The following KCNU1 variants were observed in gnomAD, a reference collection of about 807,000 sequenced individuals.
The protein encoded by KCNU1 is potassium channel subfamily U member 1.
In KCNU1, 93 loss-of-function variants were observed where a neutral mutation model predicts 126.8. The ratio of observed to expected loss-of-function variants is 0.73; its 90% CI spans 0.62 to 0.87. KCNU1 has a LOEUF of 0.87. KCNU1 is among the 40% of genes least tolerant of loss of function. The pLI is 0.00. For missense variants in KCNU1, 1,330 were observed against 1,367.1 expected (o/e 0.97, Z 0.43); for synonymous variants, 523 against 494.2 (o/e 1.06, Z -0.77).
At chr8:36,788,531 CCT>C (rs897803794) in intron 2 of KCNU1, among the ~76,000 whole-genome samples, 18 of 152,148 alleles carry the variant, frequency 1.2e-4, no homozygotes, top group Admixed American at 9.8e-4. Context: ...TAAAGATTAT[CCT>C]CTGTTTTTTA....
intron 5 of KCNU1, among the ~76,000 whole-genome samples, chr8:36,806,931 C>G (rs1803523139): frequency 6.6e-6 from 1 of 152,054 alleles, no homozygotes; most frequent in Non-Finnish European, 1.5e-5. Flanking sequence ...AGTAAAACAT[C>G]ATACAAACAT....
intron 2 of KCNU1, among the ~76,000 whole-genome samples, chr8:36,801,338 T>G (rs1803296834): frequency 6.6e-6 from 1 of 152,182 alleles, no homozygotes; most frequent in Non-Finnish European, 1.5e-5. Flanking sequence ...TCCCAGTGCC[T>G]TCTTTTGGTT....
At chr8:36,826,272 T>C (rs6999343) in intron 10 of KCNU1, among the ~76,000 whole-genome samples, 45,272 of 150,738 alleles carry the variant, frequency 0.3, 7,585 homozygotes, top group African/African-American at 0.44. Context: ...CGCAGTGGCC[T>C]GATCTTGGCT....
intron 7 of KCNU1, among the ~76,000 whole-genome samples, chr8:36,809,071 A>G (rs1005428551): frequency 6.6e-6 from 1 of 152,174 alleles, no homozygotes; most frequent in African/African-American, 2.4e-5. Context: ...GGTAAAATGT[A>G]TCACTATATC....
chr8:36,897,704 G>T (rs565424716), intron 19 of KCNU1, among the ~76,000 whole-genome samples: 1 of 151,918 alleles, frequency 6.6e-6, no homozygotes, highest in South Asian at 2.1e-4. Flanking sequence ...CACTTCTACG[G>T]CCCACTAAAA....
At chr8:36,817,985 G>A (rs1803983848) in intron 10 of KCNU1, among the ~76,000 whole-genome samples, 1 of 152,070 alleles carries the variant, frequency 6.6e-6, no homozygotes, top group African/African-American at 2.4e-5. Context: ...TGATTTAAGT[G>A]ATTATCATTT....
intron 19 of KCNU1, among the ~76,000 whole-genome samples, chr8:36,896,638 A>T (rs1807200880): frequency 6.6e-6 from 1 of 152,034 alleles, no homozygotes; most frequent in African/African-American, 2.4e-5. Context: ...TACCCCTGGA[A>T]CTCTGAGAAA....
At position 36,854,730 on chromosome 8, in the gene KCNU1, C is replaced by T. The variant is rs1648457807; in HGVS notation, c.1891+8831C>T. 2.6e-5 allele frequency among the ~76,000 whole-genome samples: 4 copies of T among 152,160 alleles called. No homozygotes were observed. The South Asian group carries it at 8.3e-4, about 31-fold the overall frequency. ...GTAAGTACAATATCTGAGCTTCTCT[C>T]AAGGATGGTGTCTATTGAGAGCCTT... On this transcript the variant is annotated intron_variant, in intron 18 of 26. Transcript: ENST00000399881.
chr8:36,927,372 C>T (rs999104298), intron 24 of KCNU1, among the ~76,000 whole-genome samples: 4 of 152,046 alleles, frequency 2.6e-5, no homozygotes, highest in African/African-American at 9.7e-5. Context: ...GCCTTTAATC[C>T]TCTCTCAGTT....
At chr8:36,834,924 G>A (rs892147584) in intron 12 of KCNU1, 56 bp downstream of exon 12, 7 of 1,063,164 alleles carry the variant, frequency 6.6e-6, no homozygotes, top group African/African-American at 1.6e-5. Context: ...CTCTTTTAAA[G>A]TAATGCCCGG....
chr8:36,865,611 A>T (rs1282342036), intron 19 of KCNU1, among the ~76,000 whole-genome samples: 4 of 54,128 alleles, frequency 7.4e-5, no homozygotes, highest in South Asian at 5.4e-4. Flanking sequence ...TGCAAAAATT[A>T]AAAAAAAAAA....
At chr8:36,824,445 A>G (rs893505275) in intron 10 of KCNU1, among the ~76,000 whole-genome samples, 1 of 152,172 alleles carries the variant, frequency 6.6e-6, no homozygotes, top group Admixed American at 6.5e-5. Context: ...TACCTAATTT[A>G]TAAATTAAAT....
chr8:36,836,216 A>T, intron 12 of KCNU1, 80 bp from the exon 13 acceptor site: 1 of 897,900 alleles, frequency 1.1e-6, no homozygotes, highest in Non-Finnish European at 1.8e-6. Flanking sequence ...CTACATATCA[A>T]TTTAACTCTG....
At chr8:36,920,741 CAT>C (rs992449518) in intron 23 of KCNU1, among the ~76,000 whole-genome samples, 2 of 152,092 alleles carry the variant, frequency 1.3e-5, no homozygotes, top group African/African-American at 2.4e-5. Context: ...CGCACGTGCG[CAT>C]GTGTGTGTGT....
intron 19 of KCNU1, among the ~76,000 whole-genome samples, chr8:36,869,119 A>G (rs1310065031): frequency 6.6e-6 from 1 of 152,208 alleles, no homozygotes; most frequent in Admixed American, 6.5e-5. Flanking sequence ...ACTGATTTGT[A>G]TGATGTTGTG....
intron 23 of KCNU1, among the ~76,000 whole-genome samples, chr8:36,920,934 T>A: frequency 6.6e-6 from 1 of 152,146 alleles, no homozygotes; most frequent in East Asian, 1.9e-4. Context: ...ATTTAAGGCA[T>A]TAGGGGATAA....
At chr8:36,839,058 T>G (rs556458418) in intron 14 of KCNU1, among the ~76,000 whole-genome samples, 7 of 152,344 alleles carry the variant, frequency 4.6e-5, no homozygotes, top group African/African-American at 1.7e-4. Flanking sequence ...GTTATTAATC[T>G]CATAACTGGC....
intron 19 of KCNU1, among the ~76,000 whole-genome samples, chr8:36,874,313 C>T (rs1806205271): frequency 6.6e-6 from 1 of 151,956 alleles, no homozygotes; most frequent in Non-Finnish European, 1.5e-5. Context: ...ATTTTTTTTC[C>T]TAAATGCTAT....
rs757991589 is a variant in KCNU1, at chr8:36,918,911, C to T, written c.2596+14C>T. On this transcript the variant is annotated intron_variant, in intron 23 of 26. Transcript: ENST00000399881. ...TTACTGAACTGAGTAAGTGGTGTTT[C>T]GAGGGGAAAATTCAATGGAGAAATT... The T allele has an allele frequency of 7.8e-6, 12 of 1,540,858 alleles. No individual in the cohort carries two copies. Among genetic ancestry groups the T allele is most frequent in the South Asian group, 3.4e-5 (3 of 87,744 alleles).
Sources: allele counts gnomAD v4.1 joint callset (sites outside exome capture counted in the v4.1 genomes callset), GRCh38; gene constraint gnomAD v4.1.1; transcripts MANE v1.5; gene names NCBI Gene and HGNC (gene_info 2026-07-23, HGNC 2026-07-21).